The following NEO1 variants were observed in gnomAD, a reference collection of about 807,000 sequenced individuals.
The protein encoded by NEO1 is neogenin 1.
Under a neutral mutation model 159.7 loss-of-function variants are expected in NEO1, and 63 were observed. That is an observed-to-expected ratio of 0.39 (90% confidence interval 0.32 to 0.49). The LOEUF (loss-of-function observed/expected upper bound fraction) is 0.49, where lower values mean the gene tolerates loss of function less well. Ranked by LOEUF, NEO1 falls within the 20% of genes least tolerant of loss-of-function variation. The pLI, the probability that NEO1 is intolerant of heterozygous loss-of-function variation, is 0.85. For synonymous variants in NEO1, 633 were observed against 662.0 expected, an observed-to-expected ratio of 0.96 and a Z score of 0.67; for missense variants, 1,615 against 1,831.0, an observed-to-expected ratio of 0.88 and a Z score of 2.15.
At chr15:73,242,898 C>A (rs1333180338) in intron 8 of NEO1, among the ~76,000 whole-genome samples, 1 of 152,088 alleles carries the variant, frequency 6.6e-6, no homozygotes, top group Non-Finnish European at 1.5e-5. Context: ...TGAAAAATAT[C>A]CGCTTATACG....
chr15:73,087,742 A>G (rs1208623584), intron 1 of NEO1, among the ~76,000 whole-genome samples: 1 of 152,032 alleles, frequency 6.6e-6, no homozygotes, highest in Non-Finnish European at 1.5e-5. Flanking sequence ...AATATTTTGG[A>G]ATTCTTTTTC....
chr15:73,274,963 G>A (rs1596556257), intron 21 of NEO1, among the ~76,000 whole-genome samples: 1 of 152,156 alleles, frequency 6.6e-6, no homozygotes, highest in African/African-American at 2.4e-5. Flanking sequence ...GCAGCTGTAG[G>A]AGATTCGTCT....
intron 11 of NEO1, among the ~76,000 whole-genome samples, chr15:73,252,149 A>C (rs1488070754): frequency 6.6e-6 from 1 of 152,232 alleles, no homozygotes; most frequent in Non-Finnish European, 1.5e-5. Flanking sequence ...AGCAAGACAC[A>C]TTCTCTTGTC....
At chr15:73,207,307 CA>C (rs2037295511) in intron 7 of NEO1, among the ~76,000 whole-genome samples, 1 of 152,054 alleles carries the variant, frequency 6.6e-6, no homozygotes, top group Non-Finnish European at 1.5e-5. Context: ...AACTTAAAAA[CA>C]TTAAATAATC....
intron 6 of NEO1, among the ~76,000 whole-genome samples, chr15:73,177,843 G>A (rs2035371242): frequency 6.6e-6 from 1 of 152,162 alleles, no homozygotes; most frequent in Admixed American, 6.5e-5. Flanking sequence ...TCCTGGCCCA[G>A]TAGTAATAGT....
chr15:73,284,171 AAGG>A (rs1039677017), intron 23 of NEO1, among the ~76,000 whole-genome samples: 14 of 152,214 alleles, frequency 9.2e-5, no homozygotes, highest in Non-Finnish European at 2.1e-4. Flanking sequence ...AGAAAAAAAA[AAGG>A]AGATTCCTGA....
At chr15:73,235,491 A>G (rs748062194) in intron 7 of NEO1, among the ~76,000 whole-genome samples, 12 of 152,200 alleles carry the variant, frequency 7.9e-5, no homozygotes, top group Non-Finnish European at 1.3e-4. Context: ...GTGGCTTTTG[A>G]CTAGCAGCTT....
Position 73,122,809 on chromosome 15 carries a change from T to G in NEO1, c.724+9T>G. The G allele has an allele frequency of 6.2e-7, 1 of 1,613,662 alleles. No homozygotes were observed. Among genetic ancestry groups the G allele is most frequent in the Non-Finnish European group, 8.5e-7 (1 of 1,179,612 alleles). ...ATTGAAGGTTCTTCCAGGTATTAACTCATTATCAGGACTGATGGTTTTATG... is the reference window on the plus strand; with the variant it reads ...ATTGAAGGTTCTTCCAGGTATTAACGCATTATCAGGACTGATGGTTTTATG... On this transcript the variant is annotated intron_variant, in intron 3 of 28. Coordinates refer to ENST00000261908, the MANE Select transcript of NEO1 (RefSeq NM_002499.4).
chr15:73,057,830 G>C (rs1340798089), intron 1 of NEO1, among the ~76,000 whole-genome samples: 2 of 151,742 alleles, frequency 1.3e-5, no homozygotes, highest in Non-Finnish European at 2.9e-5. Context: ...ATTTTTCTTT[G>C]TTGTCACATT....
At chr15:73,142,228 G>A (rs1348772965) in intron 5 of NEO1, among the ~76,000 whole-genome samples, 1 of 152,064 alleles carries the variant, frequency 6.6e-6, no homozygotes, top group African/African-American at 2.4e-5. Context: ...GAGTGACAAG[G>A]GACTGAAGAA....
intron 1 of NEO1, among the ~76,000 whole-genome samples, chr15:73,086,043 C>G (rs1304329053): frequency 6.6e-6 from 1 of 152,088 alleles, no homozygotes; most frequent in East Asian, 1.9e-4. Flanking sequence ...GACTTTTCTC[C>G]TTTATTTCTT....
chr15:73,272,671 G>T, intron 19 of NEO1, 109 bp downstream of exon 19: 1 of 796,218 alleles, frequency 1.3e-6, no homozygotes, highest in Admixed American at 2.2e-5. Flanking sequence ...AGGCTGGCTT[G>T]GTCATTTTAT....
At chr15:73,289,927 G>A (rs1697382362) in intron 25 of NEO1, among the ~76,000 whole-genome samples, 1 of 152,076 alleles carries the variant, frequency 6.6e-6, no homozygotes, top group Non-Finnish European at 1.5e-5. Context: ...TCCAGCCTGG[G>A]TGACAGAGTG....
rs554667024 is a variant in NEO1 at position 73,084,320 on chromosome 15, A to G, written c.130+31515A>G. ...ACATCACCCAAATCCCCACCCTTCA[A>G]CCTCTGGTAACCACCATTCTGCTGT... On this transcript the variant is annotated intron_variant, in intron 1 of 28. Transcript: ENST00000261908. Among the ~76,000 whole-genome samples the G allele has an allele frequency of 3.3e-5, 5 of 152,086 alleles. No homozygotes were observed. The East Asian group carries it at 7.8e-4, about 24-fold the overall frequency.
chr15:73,109,103 C>T lies in NEO1; in HGVS notation c.131-7437C>T, dbSNP rs80345484. 4.4e-3 allele frequency among the ~76,000 whole-genome samples: 666 copies of T among 152,258 alleles called. 3 individuals carry two copies. Among genetic ancestry groups the T allele is most frequent in the African/African-American group, 0.015 (638 of 41,548 alleles). The stretch of plus-strand genomic sequence containing the variant: ...TAAGATCACTTAATATTATTTTACA[C>T]ATAACAGTTGTCAAAATATGCGTAG... On this transcript the variant is annotated intron_variant, in intron 1 of 28. Coordinates refer to ENST00000261908, the MANE Select transcript of NEO1 (RefSeq NM_002499.4).
At chr15:73,246,464 A>C (rs1289198960) in intron 9 of NEO1, among the ~76,000 whole-genome samples, 1 of 152,222 alleles carries the variant, frequency 6.6e-6, no homozygotes, top group African/African-American at 2.4e-5. Context: ...ATCAGCTTTC[A>C]TATAGAGGCA....
chr15:73,293,595 C>T (rs779672287), intron 26 of NEO1, 47 bp downstream of exon 26: 162 of 1,566,122 alleles, frequency 1.0e-4, no homozygotes, highest in African/African-American at 3.5e-4. Context: ...CCAAAAGAGT[C>T]GGCAAGCAGA....
intron 7 of NEO1, among the ~76,000 whole-genome samples, chr15:73,213,931 A>G (rs149146846): frequency 7.6e-4 from 116 of 152,136 alleles, no homozygotes; most frequent in African/African-American, 2.8e-3. Context: ...GACAACATCT[A>G]CTGTTTTTTG....
chr15:73,286,936 A>G (rs541185406), intron 23 of NEO1, among the ~76,000 whole-genome samples: 14 of 152,050 alleles, frequency 9.2e-5, no homozygotes, highest in Middle Eastern at 6.8e-3. Flanking sequence ...TCTATCCCCA[A>G]CCCCACAGAG....
Sources: allele counts gnomAD v4.1 joint callset (sites outside exome capture counted in the v4.1 genomes callset), GRCh38; gene constraint gnomAD v4.1.1; transcripts MANE v1.5; gene names NCBI Gene and HGNC (gene_info 2026-07-23, HGNC 2026-07-21).